DNAH17: variants seen among roughly 807,000 people sequenced by gnomAD.
The protein encoded by DNAH17 is dynein axonemal heavy chain 17.
DNAH17 carries 376 observed loss-of-function variants against 485.6 expected under a neutral mutation model. That is an observed-to-expected ratio of 0.77 (90% CI 0.71 to 0.84). DNAH17 has a LOEUF of 0.84. Ranked by LOEUF, DNAH17 falls within the 40% of genes least tolerant of loss-of-function variation. The pLI is 0.00. For missense variants in DNAH17, 6,370 were observed against 5,839.3 expected (o/e 1.09, Z -2.96); for synonymous variants, 3,031 against 2,405.9 (o/e 1.26, Z -7.60).
At chr17:78,478,460 A>G (rs111067579) in intron 51 of DNAH17, among the ~76,000 whole-genome samples, 2,475 of 150,558 alleles carry the variant, frequency 0.016, 65 homozygotes, top group African/African-American at 0.057. Flanking sequence ...CATCACCATC[A>G]CTATTGCCAT....
At chr17:78,476,206 C>A (rs2089008907) in intron 52 of DNAH17, among the ~76,000 whole-genome samples, 2 of 129,254 alleles carry the variant, frequency 1.5e-5, no homozygotes, top group African/African-American at 5.0e-5. Context: ...TCACTCAGAC[C>A]CACAGCCACG....
chr17:78,438,099 C>T (rs1391799954), intron 73 of DNAH17, among the ~76,000 whole-genome samples: 1 of 152,014 alleles, frequency 6.6e-6, no homozygotes, highest in Non-Finnish European at 1.5e-5. Flanking sequence ...TTTTTGTGTT[C>T]AATGAATTGC....
intron 36 of DNAH17, chr17:78,499,996 G>A (rs1049410827): frequency 7.0e-6 from 2 of 287,386 alleles, no homozygotes; most frequent in African/African-American, 2.2e-5. Context: ...CATGAGGGAG[G>A]TGCTCACCCC....
chr17:78,460,388 A>G (rs1438007336), intron 58 of DNAH17, 131 bp from the exon 59 acceptor site: 1,688 of 428,746 alleles, frequency 3.9e-3, no homozygotes, highest in Non-Finnish European at 5.7e-3. Flanking sequence ...ATGTGTGCAT[A>G]TATGTGCATG....
Position 78,560,897 on chromosome 17 carries a change from T to C in DNAH17, c.1874A>G (p.Lys625Arg), listed in dbSNP as rs1266246370. The C allele has an allele frequency of 3.2e-6, 5 of 1,551,300 alleles. No homozygotes were observed. The highest frequency in any genetic ancestry group is 4.4e-6 in the Non-Finnish European group (5 of 1,147,116). The part of the protein sequence containing the change: ...SGAEAKLTYQ[K>R]YDEMMELLRC... The stretch of plus-strand genomic sequence containing the variant: ...CAGCAGCTCCATCATCTCGTCATAC[T>C]TCTGATAGGTCAGCTTGGCCTCTGC... Residue 625 changes from lysine (K) to arginine (R), a missense_variant, in exon 13 of 81, where the codon AAG (lysine) becomes AGG (arginine). Transcript: ENST00000389840.
In DNAH17 at chr17:78,526,897, T is replaced by G. The variant is rs2091093606; in HGVS notation, c.3607A>C (p.Lys1203Gln). 1 of 1,575,988 alleles carries G rather than the reference T, an allele frequency of 6.3e-7. No individual in the cohort carries two copies. The highest frequency in any genetic ancestry group is 8.6e-7 in the Non-Finnish European group (1 of 1,160,476). ...QANEVSILRR[K>Q]CQQFELKQHE... ...TATAATACCTCGAATTGCTGGCATT[T>G]CCGCCGCAGGATGCTGACCTCGTTG... Residue 1203 changes from lysine (K) to glutamine (Q), a missense_variant, in exon 23 of 81, where the codon AAA becomes CAA. Lys to Gln is a moderately conservative substitution (Grantham distance 53). Transcript: ENST00000389840.
chr17:78,513,270 T>C (rs1276261549), intron 26 of DNAH17, among the ~76,000 whole-genome samples: 1 of 152,150 alleles, frequency 6.6e-6, no homozygotes, highest in Non-Finnish European at 1.5e-5. Flanking sequence ...CCAAACAGAA[T>C]GTTTGTAGCA....
chr17:78,443,909 A>G (rs1260999511), intron 71 of DNAH17, among the ~76,000 whole-genome samples: 1 of 152,124 alleles, frequency 6.6e-6, no homozygotes, highest in African/African-American at 2.4e-5. Flanking sequence ...TACTTGGAGA[A>G]ATGAAAAGGG....
At chr17:78,562,743 A>G (rs1480130526) in intron 11 of DNAH17, among the ~76,000 whole-genome samples, 1 of 152,266 alleles carries the variant, frequency 6.6e-6, no homozygotes, top group African/African-American at 2.4e-5. Context: ...ATCCACAGGA[A>G]GCGTTCCTCT....
In DNAH17 at chr17:78,433,961, G is replaced by GAAGGAGGGAGGGAAGGAGGGAGGC; in HGVS notation, c.12225+67_12225+68insGCCTCCCTCCTTCCCTCCCTCCTT. On this transcript the variant is annotated intron_variant, in intron 75 of 80. Coordinates refer to ENST00000389840, the MANE Select transcript of DNAH17 (RefSeq NM_173628.4). The stretch of plus-strand genomic sequence containing the variant: ...GGAAGGAGGGAGGGAAGGAGGGAGG[G>GAAGGAGGGAGGGAAGGAGGGAGGC]AAGGAGGGAGGGAAGGAGGGAAAGA... 4 of 1,276,548 alleles carry GAAGGAGGGAGGGAAGGAGGGAGGC rather than the reference G, an allele frequency of 3.1e-6. No homozygotes were observed. The African/African-American group carries it at 6.6e-5, about 21-fold the overall frequency. 79.1% of individuals were successfully genotyped at this position (1,276,548 alleles called of 1,614,324 possible).
intron 74 of DNAH17, among the ~76,000 whole-genome samples, chr17:78,434,992 C>T (rs549173415): frequency 6.6e-6 from 1 of 152,314 alleles, no homozygotes; most frequent in South Asian, 2.1e-4. Flanking sequence ...AAGAGCAGGG[C>T]CCTGTCCTGG....
intron 69 of DNAH17, among the ~76,000 whole-genome samples, chr17:78,448,000 C>T (rs765284415): frequency 6.6e-5 from 10 of 151,988 alleles, no homozygotes; most frequent in Non-Finnish European, 1.0e-4. Context: ...GGAGAAACCC[C>T]GTCTCAACTA....
chr17:78,497,462 C>A (rs1230733477), intron 37 of DNAH17, among the ~76,000 whole-genome samples: 1 of 152,216 alleles, frequency 6.6e-6, no homozygotes, highest in African/African-American at 2.4e-5. Context: ...CTAGGCCAAG[C>A]CTCTCCTGTG....
intron 74 of DNAH17, among the ~76,000 whole-genome samples, chr17:78,434,816 CAG>C (rs1236237002): frequency 6.6e-6 from 1 of 152,242 alleles, no homozygotes; most frequent in Non-Finnish European, 1.5e-5. Flanking sequence ...CCTGAACACA[CAG>C]AGGCTTCTGG....
chr17:78,466,953 C>T, intron 55 of DNAH17, 137 bp from the exon 56 acceptor site: 1 of 894,416 alleles, frequency 1.1e-6, no homozygotes. Flanking sequence ...CAGCACAGTC[C>T]TGGTTCTGGG....
intron 26 of DNAH17, among the ~76,000 whole-genome samples, chr17:78,513,687 C>T (rs886472956): frequency 6.6e-6 from 1 of 152,182 alleles, no homozygotes; most frequent in Non-Finnish European, 1.5e-5. Context: ...CCACCCACCT[C>T]GGCCTCCCAA....
rs568961752 is a variant in DNAH17, at chr17:78,566,601, A to T, written c.1569+13T>A. ...AGGCTCCAGATCTGCCTGCGTCTCC[A>T]CTGCATGCTTACCTTTGCGGAGGAC... On this transcript the variant is annotated intron_variant, in intron 11 of 80. Transcript: ENST00000389840. 6.3e-7 allele frequency: 1 copy of T among 1,577,842 alleles called. No homozygotes were observed. Among genetic ancestry groups the T allele is most frequent in the South Asian group, 1.1e-5 (1 of 87,246 alleles).
intron 62 of DNAH17, among the ~76,000 whole-genome samples, chr17:78,456,684 G>T (rs562070126): frequency 6.6e-6 from 1 of 152,334 alleles, no homozygotes. Flanking sequence ...CATGTTTGTT[G>T]CAAGTCCAGG....
rs966749467 is a variant in DNAH17 at position 78,574,829 on chromosome 17, C to A, written c.229G>T (p.Val77Phe). The change falls in exon 2 of 81, where the codon GTT becomes TTT. Residue 77 changes from valine to phenylalanine, a missense_variant. Coordinates refer to ENST00000389840, the MANE Select transcript of DNAH17 (RefSeq NM_173628.4). ...TCGGACTTTGTCTTGATGAAGTAAA[C>A]CCCTTTGGACTTGAGGGACTGGGGG... ...GFPQSLKSKG[V>F]YFIKTKSENI... is the part of the protein sequence containing the mutation. 15 of 1,613,988 alleles carry A rather than the reference C, an allele frequency of 9.3e-6. No individual in the cohort carries two copies. The highest frequency in any genetic ancestry group is 1.3e-5 in the Non-Finnish European group (15 of 1,179,880).
Sources: allele counts gnomAD v4.1 joint callset (sites outside exome capture counted in the v4.1 genomes callset), GRCh38; gene constraint gnomAD v4.1.1; transcripts MANE v1.5; gene names NCBI Gene and HGNC (gene_info 2026-07-23, HGNC 2026-07-21).